TGFBR3: variants seen among roughly 807,000 people sequenced by gnomAD.
The protein encoded by TGFBR3 is transforming growth factor beta receptor 3, also known as transforming growth factor beta receptor type 3.
Under a neutral mutation model 87.9 loss-of-function variants are expected in TGFBR3, and 46 were observed. The observed-to-expected ratio is 0.52, with a 90% confidence interval of 0.41 to 0.67. The LOEUF is 0.67. TGFBR3 is among the 30% of genes least tolerant of loss of function. TGFBR3 has a pLI of 0.00. For synonymous variants in TGFBR3, 381 were observed against 391.6 expected (o/e 0.97, Z 0.32); for missense variants, 866 against 1,041.9 (o/e 0.83, Z 2.32).
chr1:91,847,920 G>A (rs1677568302), intron 2 of TGFBR3, among the ~76,000 whole-genome samples: 1 of 152,130 alleles, frequency 6.6e-6, no homozygotes, highest in Admixed American at 6.5e-5. Flanking sequence ...GCACATAAAA[G>A]GAAGAAATGG....
At chr1:91,842,106 A>C (rs1044430665) in intron 2 of TGFBR3, among the ~76,000 whole-genome samples, 1 of 152,132 alleles carries the variant, frequency 6.6e-6, no homozygotes, top group African/African-American at 2.4e-5. Context: ...TGCCAAAAAA[A>C]AAAAGAAAGA....
At chr1:91,788,246 T>A (rs957779160) in intron 3 of TGFBR3, among the ~76,000 whole-genome samples, 2 of 152,214 alleles carry the variant, frequency 1.3e-5, no homozygotes, top group African/African-American at 4.8e-5. Context: ...GTATTAGGGC[T>A]AGGTGGACCC....
chr1:91,740,434 G>T (rs1336650815), intron 4 of TGFBR3, among the ~76,000 whole-genome samples: 1 of 151,186 alleles, frequency 6.6e-6, no homozygotes, highest in Non-Finnish European at 1.5e-5. Context: ...GCATGATCTT[G>T]GCTCATTGCA....
At chr1:91,785,087 G>C (rs1417538619) in intron 3 of TGFBR3, among the ~76,000 whole-genome samples, 2 of 152,228 alleles carry the variant, frequency 1.3e-5, no homozygotes, top group African/African-American at 4.8e-5. Flanking sequence ...ACAGGCATCG[G>C]ACTGATGAAT....
chr1:91,892,360 C>A (rs964638223), intron 2 of TGFBR3, among the ~76,000 whole-genome samples: 1 of 151,850 alleles, frequency 6.6e-6, no homozygotes, highest in Non-Finnish European at 1.5e-5. Context: ...AGAACTAGCC[C>A]CACCTCTTTT....
chr1:91,720,205 G>T lies in TGFBR3; in HGVS notation c.1101C>A (p.Val367=). ...NNAEEMGDEE[V]HTIPPELRIL... ...TCCGTAGCTCAGGAGGAATAGTGTG[G>T]ACTTCCTCATCTCCCATCTCCTCTG... The change falls in exon 9 of 17, where the codon GTC becomes GTA. Residue 367 remains valine (V), a synonymous_variant. Transcript: ENST00000212355. The T allele has an allele frequency of 6.2e-7, 1 of 1,606,268 alleles. No homozygotes were observed. Among genetic ancestry groups the T allele is most frequent in the Non-Finnish European group, 8.5e-7 (1 of 1,175,940 alleles).
chr1:91,838,359 A>AAACTGT (rs1677134240), intron 2 of TGFBR3, among the ~76,000 whole-genome samples: 1 of 152,226 alleles, frequency 6.6e-6, no homozygotes, highest in Admixed American at 6.5e-5. Flanking sequence ...CAACTATAAT[A>AAACTGT]AACTGTAACA....
chr1:91,706,019 A>G (rs1671789411), intron 14 of TGFBR3, among the ~76,000 whole-genome samples: 1 of 152,244 alleles, frequency 6.6e-6, no homozygotes, highest in Non-Finnish European at 1.5e-5. Context: ...TGGAAGTTAT[A>G]CTGCGGCAAT....
chr1:91,817,607 T>C (rs2101052343), intron 2 of TGFBR3, among the ~76,000 whole-genome samples: 1 of 152,378 alleles, frequency 6.6e-6, no homozygotes, highest in East Asian at 1.9e-4. Context: ...CCCACTGCTT[T>C]TAATTGCTCT....
chr1:91,704,989 G>C (rs1671747379), intron 14 of TGFBR3, among the ~76,000 whole-genome samples: 1 of 152,182 alleles, frequency 6.6e-6, no homozygotes, highest in African/African-American at 2.4e-5. Flanking sequence ...AAATCCAAGT[G>C]TTGAAAAATA....
chr1:91,896,822 A>G (rs1679561516), intron 2 of TGFBR3, among the ~76,000 whole-genome samples: 1 of 152,148 alleles, frequency 6.6e-6, no homozygotes, highest in Non-Finnish European at 1.5e-5. Context: ...AAAAGTAAAC[A>G]AGTCTTAAAG....
At chr1:91,855,541 G>GTTTTGT (rs903621303) in intron 2 of TGFBR3, among the ~76,000 whole-genome samples, 5 of 151,848 alleles carry the variant, frequency 3.3e-5, no homozygotes, top group Non-Finnish European at 7.4e-5. Context: ...TTGGGAGGTT[G>GTTTTGT]TTTTGTTTTT....
intron 2 of TGFBR3, among the ~76,000 whole-genome samples, chr1:91,809,337 C>T (rs1675948691): frequency 6.6e-6 from 1 of 152,184 alleles, no homozygotes; most frequent in Non-Finnish European, 1.5e-5. Context: ...GAATAACATG[C>T]ATTGCATGTG....
intron 3 of TGFBR3, among the ~76,000 whole-genome samples, chr1:91,776,832 C>T (rs941038426): frequency 5.9e-5 from 9 of 152,120 alleles, no homozygotes; most frequent in Non-Finnish European, 1.2e-4. Context: ...AGACGAGGGC[C>T]GAAAGGTAGC....
At chr1:91,839,499 C>T (rs1484700918) in intron 2 of TGFBR3, among the ~76,000 whole-genome samples, 1 of 152,186 alleles carries the variant, frequency 6.6e-6, no homozygotes, top group African/African-American at 2.4e-5. Flanking sequence ...TGGCAGACAT[C>T]ACTCTAGCCA....
In TGFBR3 at chr1:91,683,642, T is replaced by C. The variant is rs1262393159; in HGVS notation, c.*97A>G. 1 of 1,014,278 alleles carries C rather than the reference T, an allele frequency of 9.9e-7. No homozygotes were observed. Among genetic ancestry groups the C allele is most frequent in the African/African-American group, 1.6e-5 (1 of 62,710 alleles). 62.8% of individuals were successfully genotyped at this position (1,014,278 alleles called of 1,614,324 possible). A position where few individuals can be genotyped will look rare whatever the true frequency, so the allele number is the denominator to read the frequency against. On this transcript the variant is annotated 3_prime_UTR_variant, in exon 17 of 17. Coordinates refer to ENST00000212355, the MANE Select transcript of TGFBR3 (RefSeq NM_003243.5). ...ACAAGGGAACCAAAATCCAGCCCTC[T>C]GAGTCTGGACACGAGGCTCAGCCAT...
chr1:91,846,885 C>T (rs1677522700), intron 2 of TGFBR3, among the ~76,000 whole-genome samples: 1 of 152,080 alleles, frequency 6.6e-6, no homozygotes, highest in African/African-American at 2.4e-5. Context: ...CATGCATGGA[C>T]AGCAACATAA....
chr1:91,810,692 C>T lies in TGFBR3; in HGVS notation c.62-13221G>A, dbSNP rs59083818. On this transcript the variant is annotated intron_variant, in intron 2 of 16. Coordinates refer to ENST00000212355, the MANE Select transcript of TGFBR3 (RefSeq NM_003243.5). Reference sequence around the variant, plus strand: ...GCCAGTCTCCTACGTTTAATCCCAGCGCTGCCACATTTTAGCCTTTTAACC... The same window carrying T: ...GCCAGTCTCCTACGTTTAATCCCAGTGCTGCCACATTTTAGCCTTTTAACC... Among the ~76,000 whole-genome samples the T allele has an allele frequency of 7.5e-4, 114 of 152,288 alleles. 1 individual carries two copies. The East Asian group carries it at 0.019, about 25-fold the overall frequency.
intron 2 of TGFBR3, among the ~76,000 whole-genome samples, chr1:91,815,294 T>C (rs1479771004): frequency 9.5e-6 from 1 of 104,880 alleles, no homozygotes; most frequent in Non-Finnish European, 1.9e-5. Flanking sequence ...AGAGCAAGAC[T>C]CCATCTAAAA....
Sources: gnomAD v4.1 joint callset for allele counts (sites outside exome capture counted in the v4.1 genomes callset) on GRCh38, gnomAD v4.1.1 for gene constraint, MANE v1.5 for transcripts, NCBI Gene and HGNC (gene_info 2026-07-23, HGNC 2026-07-21) for gene names.